Variants in RNF170 observed in about 807,000 individuals in gnomAD.
RNF170 encodes the protein E3 ubiquitin-protein ligase RNF170.
RNF170 carries 12 observed loss-of-function variants against 32.7 expected under a neutral mutation model. The ratio of observed to expected loss-of-function variants is 0.37; its 90% CI spans 0.24 to 0.60. The LOEUF is 0.60. Ranked by LOEUF, RNF170 falls within the 20% of genes least tolerant of loss-of-function variation. The probability of loss-of-function intolerance (pLI) is 0.72; values close to 1 mark genes in which losing one functional copy is unlikely to be tolerated. For synonymous variants in RNF170, 91 were observed against 103.6 expected, an observed-to-expected ratio of 0.88 and a Z score of 0.74; for missense variants, 212 against 311.2, an observed-to-expected ratio of 0.68 and a Z score of 2.40.
intron 1 of RNF170, among the ~76,000 whole-genome samples, chr8:42,890,910 C>T (rs1318977681): frequency 2.0e-5 from 3 of 152,184 alleles, no homozygotes; most frequent in Middle Eastern, 3.2e-3. Flanking sequence ...TGTACCATCA[C>T]TTCAGTTTGG....
intron 2 of RNF170, among the ~76,000 whole-genome samples, chr8:42,886,415 G>T (rs1440111296): frequency 2.0e-5 from 3 of 152,070 alleles, no homozygotes; most frequent in African/African-American, 4.8e-5. Flanking sequence ...TGTATCACCA[G>T]TATCAATCAC....
At chr8:42,880,786 C>A (rs180956976) in intron 2 of RNF170, among the ~76,000 whole-genome samples, 157 of 152,104 alleles carry the variant, frequency 1.0e-3, no homozygotes, top group African/African-American at 3.6e-3. Flanking sequence ...AAAGAAACTG[C>A]CACAGCCACC....
chr8:42,879,592 A>C (rs562119833), intron 2 of RNF170, among the ~76,000 whole-genome samples: 2 of 152,208 alleles, frequency 1.3e-5, no homozygotes, highest in South Asian at 2.1e-4. Flanking sequence ...CGGTGGTTGC[A>C]GTGAGCCAAG....
upstream of RNF170, chr8:42,897,159 G>T: frequency 8.0e-7 from 1 of 1,248,962 alleles, no homozygotes. Flanking sequence ...GCTGGAGCGG[G>T]CGGAGCTGTG....
chr8:42,886,421 A>ATCAC (rs1332017877), intron 2 of RNF170, among the ~76,000 whole-genome samples: 2 of 152,112 alleles, frequency 1.3e-5, no homozygotes, highest in Non-Finnish European at 2.9e-5. Context: ...ACCAGTATCA[A>ATCAC]TCACTCTGGA....
intron 1 of RNF170, 127 bp downstream of exon 1, chr8:42,896,357 G>A (rs1363602378): frequency 7.2e-6 from 3 of 418,972 alleles, no homozygotes; most frequent in Non-Finnish European, 1.4e-5. Context: ...CGGGGGGAAG[G>A]AGGCGGCGAC....
rs2128922527 is a variant in RNF170 at position 42,855,757 on chromosome 8, CTA to C, written c.*400_*401del. On this transcript the variant is annotated 3_prime_UTR_variant, in exon 7 of 7. Coordinates refer to ENST00000527424, the MANE Select transcript of RNF170 (RefSeq NM_030954.4). Reference sequence around the variant, plus strand: ...AAAAATATTTAGATGAGTTTCACAGCTATATATTATCATATAGGTACCTGCTG... The same window carrying C: ...AAAAATATTTAGATGAGTTTCACAGCTATATTATCATATAGGTACCTGCTG... The C allele has an allele frequency of 8.0e-7, 1 of 1,254,460 alleles. No homozygotes were observed. The highest frequency in any genetic ancestry group is 1.5e-5 in the African/African-American group (1 of 64,802). 77.7% of individuals were successfully genotyped at this position (1,254,460 alleles called of 1,614,324 possible). A position where few individuals can be genotyped will look rare whatever the true frequency, so the allele number is the denominator to read the frequency against.
At chr8:42,850,699 G>A (rs1243635439), downstream of RNF170, 1 of 1,457,748 alleles carries the variant, frequency 6.9e-7, no homozygotes, top group African/African-American at 1.4e-5. Flanking sequence ...GCCTCAGAGT[G>A]CCCTGGGGTA....
At chr8:42,896,407 C>G (rs965195217) in intron 1 of RNF170, 77 bp downstream of exon 1, 1 of 450,790 alleles carries the variant, frequency 2.2e-6, no homozygotes, top group Non-Finnish European at 4.4e-6. Flanking sequence ...AGAGCTACCC[C>G]AAGAAGGCCA....
chr8:42,875,128 G>A (rs1586522929), intron 2 of RNF170, among the ~76,000 whole-genome samples: 1 of 150,384 alleles, frequency 6.6e-6, no homozygotes, highest in South Asian at 2.1e-4. Context: ...CTGAGATCAC[G>A]CCATTGCACT....
In RNF170 at chr8:42,886,615, G is replaced by A. The variant is rs545922467; in HGVS notation, c.137+1113C>T. Among the ~76,000 whole-genome samples, 460 of 152,130 alleles carry A rather than the reference G, an allele frequency of 3.0e-3. 1 individual carries two copies. The highest frequency in any genetic ancestry group is 5.1e-3 in the Non-Finnish European group (346 of 67,986). On this transcript the variant is annotated intron_variant, in intron 2 of 6. Coordinates refer to ENST00000527424, the MANE Select transcript of RNF170 (RefSeq NM_030954.4). ...TAATTTTTGTATTTTTAGTAGAGAC[G>A]AGGGTTTCACCATGTTGGCCAGGCT...
At chr8:42,863,975 G>A (rs1436404405) in intron 5 of RNF170, among the ~76,000 whole-genome samples, 1 of 113,386 alleles carries the variant, frequency 8.8e-6, no homozygotes, top group Non-Finnish European at 1.9e-5. Context: ...GAGAGAGAGA[G>A]AGAGAGTGTG....
intron 6 of RNF170, among the ~76,000 whole-genome samples, chr8:42,860,304 GAGTC>G (rs1413774957): frequency 6.6e-6 from 1 of 152,228 alleles, no homozygotes; most frequent in Non-Finnish European, 1.5e-5. Context: ...AAACAAGAAT[GAGTC>G]AGTAAAATGT....
At position 42,855,186 on chromosome 8, in the gene RNF170, C is replaced by G. The variant is rs1803154461; in HGVS notation, c.*973G>C. The G allele has an allele frequency of 7.8e-7, 1 of 1,284,136 alleles. No individual in the cohort carries two copies. Among genetic ancestry groups the G allele is most frequent in the Non-Finnish European group, 1.0e-6 (1 of 986,444 alleles). The allele number at this position is 1,284,136 out of a possible 1,614,324, so 79.5% of individuals were successfully genotyped here. A position where few individuals can be genotyped will look rare whatever the true frequency, so the allele number is the denominator to read the frequency against. ...GATGAGCTCTTGTTTAAATGTCTAACTGTGAACATCAAGTGTGCTGACTGG... is the reference window on the plus strand; with the variant it reads ...GATGAGCTCTTGTTTAAATGTCTAAGTGTGAACATCAAGTGTGCTGACTGG... On this transcript the variant is annotated 3_prime_UTR_variant, in exon 7 of 7. Transcript: ENST00000527424.
intron 1 of RNF170, chr8:42,889,407 T>C (rs555455754): frequency 3.9e-5 from 6 of 152,270 alleles, no homozygotes; most frequent in Admixed American, 3.3e-4. Context: ...CAAAGTCTTA[T>C]AAGACACCTA....
In RNF170 at chr8:42,854,030, C is replaced by T; in HGVS notation, c.*2129G>A. 1 of 1,287,202 alleles carries T rather than the reference C, an allele frequency of 7.8e-7. No homozygotes were observed. Among genetic ancestry groups the T allele is most frequent in the Non-Finnish European group, 1.0e-6 (1 of 988,684 alleles). 79.7% of individuals were successfully genotyped at this position (1,287,202 alleles called of 1,614,324 possible). On this transcript the variant is annotated 3_prime_UTR_variant, in exon 7 of 7. Coordinates refer to ENST00000527424, the MANE Select transcript of RNF170 (RefSeq NM_030954.4). ...CCAAATGTGTAATTGGTAGGAAATGCATTTCCAGTCTGGTACATGGCAGTG... is the reference window on the plus strand; with the variant it reads ...CCAAATGTGTAATTGGTAGGAAATGTATTTCCAGTCTGGTACATGGCAGTG...
chr8:42,874,383 T>C (rs572033761), intron 2 of RNF170, among the ~76,000 whole-genome samples: 1 of 152,350 alleles, frequency 6.6e-6, no homozygotes, highest in African/African-American at 2.4e-5. Context: ...TCTAATTAGA[T>C]CCTTCTCCTA....
At chr8:42,883,579 A>G (rs911327086) in intron 2 of RNF170, among the ~76,000 whole-genome samples, 2 of 150,860 alleles carry the variant, frequency 1.3e-5, no homozygotes, top group African/African-American at 4.9e-5. Context: ...AGAAAAAAAA[A>G]AAAAAAAAAA....
intron 2 of RNF170, among the ~76,000 whole-genome samples, chr8:42,876,657 G>GT (rs541650996): frequency 0.12 from 14,964 of 123,006 alleles, 1,521 homozygotes; most frequent in African/African-American, 0.22. Context: ...TTTTTTGTGG[G>GT]TTTTTTTTTT....
Sources: gnomAD v4.1 joint callset for allele counts (sites outside exome capture counted in the v4.1 genomes callset) on GRCh38, gnomAD v4.1.1 for gene constraint, MANE v1.5 for transcripts, NCBI Gene and HGNC (gene_info 2026-07-23, HGNC 2026-07-21) for gene names.